NDUFAF6: variants seen among roughly 807,000 people sequenced by gnomAD.
The protein encoded by NDUFAF6 is NADH dehydrogenase (ubiquinone) complex I, assembly factor 6.
A neutral mutation model predicts 40.8 loss-of-function variants in NDUFAF6; 45 were observed. That is an observed-to-expected ratio of 1.10 (90% CI 0.87 to 1.42). NDUFAF6 has a LOEUF of 1.42. Ranked by LOEUF, NDUFAF6 falls within the 40% of genes most tolerant of loss-of-function variation. The probability of loss-of-function intolerance (pLI) is 0.00; values close to 1 mark genes in which losing one functional copy is unlikely to be tolerated. For synonymous variants in NDUFAF6, 185 were observed against 155.9 expected (o/e 1.19, Z -1.39); for missense variants, 435 against 418.5 (o/e 1.04, Z -0.34).
chr8:95,052,548 G>A (rs1831561702), intron 8 of NDUFAF6, among the ~76,000 whole-genome samples: 2 of 152,122 alleles, frequency 1.3e-5, no homozygotes, highest in Admixed American at 1.3e-4. Flanking sequence ...TAGGTGAAAT[G>A]GGAATAATAG....
intron 9 of NDUFAF6, among the ~76,000 whole-genome samples, chr8:95,071,403 GAAAAA>G (rs10583999): frequency 9.5e-6 from 1 of 105,514 alleles, no homozygotes; most frequent in South Asian, 3.4e-4. Flanking sequence ...GTCTCCAAAA[GAAAAA>G]AAAAAAAAAA....
chr8:95,025,014 G>C lies in NDUFAF6; in HGVS notation c.6G>C (p.Ala2=). 7.4e-7 allele frequency: 1 copy of C among 1,344,030 alleles called. No homozygotes were observed. The highest frequency in any genetic ancestry group is 2.0e-5 in the South Asian group (1 of 49,192). 83.3% of individuals were successfully genotyped at this position (1,344,030 alleles called of 1,614,324 possible). A position where few individuals can be genotyped will look rare whatever the true frequency, so the allele number is the denominator to read the frequency against. ...GGGCACGCAGTGCCGGCGTCATGGC[G>C]GCCTCCGCGCACGGCTCTGTCTGGG... The part of the protein sequence containing the change: M[A]ASAHGSVWGP... Residue 2 remains alanine, a synonymous_variant, in exon 1 of 9, where the codon GCG becomes GCC. Transcript: ENST00000396124.
intron 2 of NDUFAF6, among the ~76,000 whole-genome samples, chr8:95,101,955 T>G (rs952153194): frequency 1.5e-4 from 23 of 152,066 alleles, no homozygotes; most frequent in African/African-American, 5.3e-4. Context: ...AGCAGCCACG[T>G]GATCATTTGA....
In NDUFAF6 at chr8:95,045,580, C is replaced by G. The variant is rs200347396; in HGVS notation, c.513C>G (p.Ile171Met). ...KNLDDKAYRN[I>M]KELENYAENT... Reference sequence around the variant, plus strand: ...TGGATGACAAAGCATATCGTAATATCAAGGAACTGGAAAATTATGCTGAAA... The same window carrying G: ...TGGATGACAAAGCATATCGTAATATGAAGGAACTGGAAAATTATGCTGAAA... The change falls in exon 5 of 9, where the codon ATC becomes ATG. Residue 171 changes from isoleucine to methionine, a missense_variant. Ile to Met is a conservative substitution (Grantham distance 10, BLOSUM62 1). Coordinates refer to ENST00000396124, the MANE Select transcript of NDUFAF6 (RefSeq NM_152416.4). The G allele has an allele frequency of 9.0e-5, 146 of 1,613,340 alleles. No individual in the cohort carries two copies. The highest frequency in any genetic ancestry group is 1.2e-4 in the Non-Finnish European group (142 of 1,179,600).
intron 1 of NDUFAF6, chr8:94,941,174 T>C (rs1253526910): frequency 2.6e-6 from 1 of 388,358 alleles, no homozygotes; most frequent in Non-Finnish European, 4.6e-6. Context: ...CACATACCCT[T>C]AGAAGAAAGC....
intron 1 of NDUFAF6, chr8:94,932,213 T>C: frequency 7.8e-7 from 1 of 1,282,704 alleles, no homozygotes; most frequent in Non-Finnish European, 1.1e-6. Context: ...TGGTTTACTA[T>C]GTGCCATTAA....
chr8:94,926,432 A>AC (rs11408221), intron 1 of NDUFAF6: 115,376 of 147,998 alleles, frequency 0.78, 46,508 homozygotes, highest in East Asian at 0.88. Flanking sequence ...AAAAAAAAAA[A>AC]ACACACGCAA....
At position 95,058,110 on chromosome 8, in the gene NDUFAF6, T is replaced by C; in HGVS notation, c.*173T>C. Reference sequence around the variant, plus strand: ...CGTGGGACTAGGGTGCCAAGACTGCTGAGATTCTGGCAGAGGCACTGCCAT... The same window carrying C: ...CGTGGGACTAGGGTGCCAAGACTGCCGAGATTCTGGCAGAGGCACTGCCAT... On this transcript the variant is annotated 3_prime_UTR_variant, in exon 9 of 9. Coordinates refer to ENST00000396124, the MANE Select transcript of NDUFAF6 (RefSeq NM_152416.4). 1 of 1,448,374 alleles carries C rather than the reference T, an allele frequency of 6.9e-7. No individual in the cohort carries two copies. Among genetic ancestry groups the C allele is most frequent in the Non-Finnish European group, 9.0e-7 (1 of 1,110,976 alleles). The allele number at this position is 1,448,374 out of a possible 1,614,324, so 89.7% of individuals were successfully genotyped here. A position where few individuals can be genotyped will look rare whatever the true frequency, so the allele number is the denominator to read the frequency against.
At chr8:95,002,483 A>G (rs1304396023) in intron 2 of NDUFAF6, among the ~76,000 whole-genome samples, 1 of 152,218 alleles carries the variant, frequency 6.6e-6, no homozygotes, top group African/African-American at 2.4e-5. Flanking sequence ...CTTGCATCCA[A>G]CTTATGTATC....
chr8:94,947,047 A>AT (rs1822081256), intron 2 of NDUFAF6, among the ~76,000 whole-genome samples: 1 of 152,090 alleles, frequency 6.6e-6, no homozygotes, highest in Admixed American at 6.5e-5. Context: ...TGAAGTACTT[A>AT]TTTGTCCCAT....
chr8:95,061,022 A>G (rs1832559309), downstream of NDUFAF6, among the ~76,000 whole-genome samples: 1 of 152,088 alleles, frequency 6.6e-6, no homozygotes, highest in Non-Finnish European at 1.5e-5. Context: ...TGTCAGGAAG[A>G]TTGGGTAGGA....
chr8:94,956,540 A>C (rs368259338), upstream of NDUFAF6, among the ~76,000 whole-genome samples: 1 of 152,230 alleles, frequency 6.6e-6, no homozygotes, highest in East Asian at 1.9e-4. Context: ...AGGAGAGAAC[A>C]TGCAAACCAG....
chr8:95,053,430 C>T (rs1831672419), intron 8 of NDUFAF6, among the ~76,000 whole-genome samples: 1 of 152,036 alleles, frequency 6.6e-6, no homozygotes, highest in African/African-American at 2.4e-5. Flanking sequence ...AAGTAAGCTT[C>T]GTAAAGGTTA....
At chr8:95,008,946 T>C (rs1827116681) in intron 2 of NDUFAF6, among the ~76,000 whole-genome samples, 1 of 152,172 alleles carries the variant, frequency 6.6e-6, no homozygotes, top group Non-Finnish European at 1.5e-5. Context: ...CCTATAATCA[T>C]AGCACTTAGG....
At chr8:95,104,647 G>A (rs1478681894), downstream of NDUFAF6, among the ~76,000 whole-genome samples, 2 of 152,180 alleles carry the variant, frequency 1.3e-5, no homozygotes, top group African/African-American at 4.8e-5. Flanking sequence ...TTCTAAAAGA[G>A]TCATGCTTCC....
chr8:94,998,323 C>T (rs757727897), intron 2 of NDUFAF6, among the ~76,000 whole-genome samples: 5 of 151,830 alleles, frequency 3.3e-5, no homozygotes, highest in Non-Finnish European at 4.4e-5. Flanking sequence ...CCCCAGATGA[C>T]AACTATTGTT....
intron 1 of NDUFAF6, among the ~76,000 whole-genome samples, chr8:94,962,114 T>C (rs1823626798): frequency 6.6e-6 from 1 of 152,208 alleles, no homozygotes. Context: ...AGGACAACTG[T>C]GCTTTCCTGA....
intron 1 of NDUFAF6, among the ~76,000 whole-genome samples, chr8:94,932,822 T>A (rs1180537590): frequency 6.6e-6 from 1 of 151,666 alleles, no homozygotes; most frequent in Non-Finnish European, 1.5e-5. Context: ...AAAAAAAGAA[T>A]TTCAAATCCC....
intron 1 of NDUFAF6, among the ~76,000 whole-genome samples, chr8:95,030,991 A>G (rs1828760966): frequency 1.3e-5 from 2 of 152,194 alleles, no homozygotes; most frequent in Non-Finnish European, 2.9e-5. Context: ...TGTAGCGTGA[A>G]CTAATACACT....
Sources: gnomAD v4.1 joint callset for allele counts (sites outside exome capture counted in the v4.1 genomes callset) on GRCh38, gnomAD v4.1.1 for gene constraint, MANE v1.5 for transcripts, NCBI Gene and HGNC (gene_info 2026-07-23, HGNC 2026-07-21) for gene names.